The following RGS20 variants were observed in gnomAD, a reference collection of about 807,000 sequenced individuals.
RGS20 encodes the protein regulator of G protein signaling 20.
RGS20 carries 30 observed loss-of-function variants against 33.6 expected under a neutral mutation model. The observed-to-expected ratio is 0.89, with a 90% CI of 0.67 to 1.21. RGS20 has a LOEUF of 1.21. Ranked by LOEUF, RGS20 falls within the 50% of genes most tolerant of loss-of-function variation. The pLI is 0.00. For missense variants in RGS20, 472 were observed against 502.4 expected (o/e 0.94, Z 0.58); for synonymous variants, 208 against 197.9 (o/e 1.05, Z -0.43).
At chr8:53,881,034 GGCGAGCCGGCCGGGGCTTCCT>G in intron 2 of RGS20, 1 of 1,583,836 alleles carries the variant, frequency 6.3e-7, no homozygotes, top group Non-Finnish European at 8.5e-7. Flanking sequence ...GGCGGACGGA[GGCGAGCCGGCCGGGGCTTCCT>G]CCCCGGCCGG....
intron 3 of RGS20, among the ~76,000 whole-genome samples, chr8:53,944,868 C>A (rs1814425216): frequency 6.6e-6 from 1 of 152,174 alleles, no homozygotes; most frequent in African/African-American, 2.4e-5. Context: ...AAAAGATGTT[C>A]CACATCAGTA....
intron 1 of RGS20, among the ~76,000 whole-genome samples, chr8:53,873,756 T>A (rs1232358600): frequency 6.6e-6 from 1 of 152,186 alleles, no homozygotes; most frequent in African/African-American, 2.4e-5. Flanking sequence ...TGTCAGATGG[T>A]GACAAGTGCT....
chr8:53,922,638 TTTAG>T (rs1293581150), intron 2 of RGS20, among the ~76,000 whole-genome samples: 2 of 152,182 alleles, frequency 1.3e-5, no homozygotes, highest in African/African-American at 4.8e-5. Flanking sequence ...ACCATTTTAC[TTTAG>T]TTATTTTTTC....
intron 2 of RGS20, among the ~76,000 whole-genome samples, chr8:53,898,696 C>G: frequency 6.6e-6 from 1 of 152,160 alleles, no homozygotes; most frequent in East Asian, 1.9e-4. Context: ...ATTGTTTTCT[C>G]TATTAAATAA....
intron 2 of RGS20, among the ~76,000 whole-genome samples, chr8:53,885,899 C>T (rs150231522): frequency 1.0e-4 from 15 of 149,406 alleles, no homozygotes; most frequent in African/African-American, 3.2e-4. Flanking sequence ...GACAGAAGGA[C>T]AGGGCATTAA....
At chr8:53,939,753 G>A (rs1424162608) in intron 3 of RGS20, 29 bp downstream of exon 2, 1 of 1,537,800 alleles carries the variant, frequency 6.5e-7, no homozygotes, top group African/African-American at 1.4e-5. Flanking sequence ...TAATGAATGT[G>A]CTCCTGACTG....
intron 2 of RGS20, among the ~76,000 whole-genome samples, chr8:53,923,824 C>T (rs1813717789): frequency 6.6e-6 from 1 of 152,184 alleles, no homozygotes; most frequent in Non-Finnish European, 1.5e-5. Context: ...GATTCTTTTT[C>T]GTGACTACCT....
At chr8:53,905,824 T>C (rs1813149446) in intron 2 of RGS20, among the ~76,000 whole-genome samples, 2 of 152,236 alleles carry the variant, frequency 1.3e-5, no homozygotes, top group Admixed American at 6.5e-5. Context: ...AAAGACTTCC[T>C]GTGAACTCAT....
chr8:53,937,958 T>C (rs1814180336), intron 2 of RGS20, among the ~76,000 whole-genome samples: 1 of 152,218 alleles, frequency 6.6e-6, no homozygotes, highest in Admixed American at 6.5e-5. Flanking sequence ...AGTTCAATCA[T>C]TGTGGGAGAC....
chr8:53,908,927 C>A (rs1028321466), intron 2 of RGS20, among the ~76,000 whole-genome samples: 4 of 151,714 alleles, frequency 2.6e-5, no homozygotes, highest in African/African-American at 9.7e-5. Context: ...GAAGGAAATG[C>A]AAAATAAAAT....
chr8:53,908,142 A>G (rs1462139429), intron 2 of RGS20, among the ~76,000 whole-genome samples: 1 of 152,214 alleles, frequency 6.6e-6, no homozygotes, highest in Non-Finnish European at 1.5e-5. Flanking sequence ...AAAGATGGAA[A>G]ACGTTGGGAG....
intron 3 of RGS20, among the ~76,000 whole-genome samples, chr8:53,942,770 T>A (rs1026284904): frequency 2.0e-5 from 3 of 151,370 alleles, no homozygotes; most frequent in Non-Finnish European, 4.4e-5. Context: ...AGAAGGATTG[T>A]TTGAGCCCAG....
intron 2 of RGS20, among the ~76,000 whole-genome samples, chr8:53,923,489 G>A (rs967636612): frequency 5.3e-5 from 8 of 152,034 alleles, no homozygotes; most frequent in Non-Finnish European, 5.9e-5. Flanking sequence ...CAGCTACTTG[G>A]GGAGCTGAGG....
intron 2 of RGS20, among the ~76,000 whole-genome samples, chr8:53,910,874 G>T (rs1813329748): frequency 6.6e-6 from 1 of 152,070 alleles, no homozygotes. Context: ...TTTTGGAAAA[G>T]GAAAAACTAT....
At chr8:53,942,576 G>A (rs1187637328) in intron 3 of RGS20, among the ~76,000 whole-genome samples, 2 of 152,144 alleles carry the variant, frequency 1.3e-5, no homozygotes, top group Non-Finnish European at 1.5e-5. Flanking sequence ...ATCTGAGTGA[G>A]AAAAATTTAA....
chr8:53,871,112 C>CAAAAA (rs370091533), intron 1 of RGS20, among the ~76,000 whole-genome samples: 15 of 21,454 alleles, frequency 7.0e-4, no homozygotes, highest in African/African-American at 1.2e-3. Context: ...CTCCATCTCA[C>CAAAAA]AAAAAAAAAA....
chr8:53,896,287 A>T (rs1487800053), intron 2 of RGS20, among the ~76,000 whole-genome samples: 1 of 152,172 alleles, frequency 6.6e-6, no homozygotes, highest in Non-Finnish European at 1.5e-5. Flanking sequence ...CCCCCCCAAA[A>T]AAAGAAGAAT....
At chr8:53,956,885 C>T (rs978714314) in intron 5 of RGS20, among the ~76,000 whole-genome samples, 2 of 152,046 alleles carry the variant, frequency 1.3e-5, no homozygotes, top group Admixed American at 6.6e-5. Context: ...CAGTGGCTCA[C>T]GCCTGTAATC....
intron 2 of RGS20, among the ~76,000 whole-genome samples, chr8:53,922,767 C>A (rs1253757988): frequency 6.6e-6 from 1 of 152,078 alleles, no homozygotes; most frequent in Admixed American, 6.6e-5. Flanking sequence ...GCTCAACAGT[C>A]CTCCTGCCTC....
Sources: gnomAD v4.1 joint callset for allele counts (sites outside exome capture counted in the v4.1 genomes callset) on GRCh38, gnomAD v4.1.1 for gene constraint, MANE v1.5 for transcripts, NCBI Gene and HGNC (gene_info 2026-07-23, HGNC 2026-07-21) for gene names.